Variants in HAUS8 observed in about 807,000 individuals in gnomAD.
HAUS8 encodes the protein HAUS augmin-like complex subunit 8.
In HAUS8, 38 loss-of-function variants were observed where a neutral mutation model predicts 42.9. That is an observed-to-expected ratio of 0.89 (90% CI 0.68 to 1.16). The LOEUF is 1.16. HAUS8 is among the 50% of genes most tolerant of loss of function. The pLI is 0.00. For synonymous variants in HAUS8, 199 were observed against 205.8 expected (o/e 0.97, Z 0.28); for missense variants, 494 against 511.6 (o/e 0.97, Z 0.33).
chr19:17,073,235 G>A (rs756660386), intron 2 of HAUS8, 39 bp downstream of exon 2: 1 of 1,572,954 alleles, frequency 6.4e-7, no homozygotes, highest in Non-Finnish European at 8.8e-7. Context: ...AATGAAAGAA[G>A]AAAACCATGT....
At chr19:17,063,850 C>A (rs1035418863) in intron 3 of HAUS8, among the ~76,000 whole-genome samples, 1 of 152,190 alleles carries the variant, frequency 6.6e-6, no homozygotes, top group African/African-American at 2.4e-5. Context: ...CTGGTCTCAG[C>A]CCTTCAGACT....
At chr19:17,065,164 C>CTT (rs2057380487) in intron 3 of HAUS8, among the ~76,000 whole-genome samples, 1 of 152,228 alleles carries the variant, frequency 6.6e-6, no homozygotes, top group Non-Finnish European at 1.5e-5. Flanking sequence ...ACCCACAAGA[C>CTT]TGGCTAGAAT....
rs556294396 is a variant in HAUS8 at position 17,059,538 on chromosome 19, T to C, written c.420+19A>G. 166 of 1,572,360 alleles carry C rather than the reference T, an allele frequency of 1.1e-4. No homozygotes were observed. In the South Asian group the frequency reaches 1.7e-3, roughly 16 times the overall value. ...CTATGCAACCCATCTGTGGCTGCCC[T>C]CTTCTTTCAGACACTTACCGGGCTC... On this transcript the variant is annotated intron_variant, in intron 6 of 10. Coordinates refer to ENST00000253669, the MANE Select transcript of HAUS8 (RefSeq NM_033417.2).
rs184400942 is a variant in HAUS8, at chr19:17,073,206, T to A, written c.91+68A>T. ...GGCCCCCTTCTCTGGCCTGTTTTTT[T>A]CTTCCTCCAAAAGCACGTAATGAAA... On this transcript the variant is annotated intron_variant, in intron 2 of 10. Coordinates refer to ENST00000253669, the MANE Select transcript of HAUS8 (RefSeq NM_033417.2). The A allele has an allele frequency of 3.0e-5, 43 of 1,418,954 alleles. No homozygotes were observed. The Admixed American group carries it at 6.9e-4, about 23-fold the overall frequency. The allele number at this position is 1,418,954 out of a possible 1,614,324, so 87.9% of individuals were successfully genotyped here. A position where few individuals can be genotyped will look rare whatever the true frequency, so the allele number is the denominator to read the frequency against.
At chr19:17,063,769 C>T (rs1358785376) in intron 3 of HAUS8, among the ~76,000 whole-genome samples, 1 of 152,160 alleles carries the variant, frequency 6.6e-6, no homozygotes, top group Non-Finnish European at 1.5e-5. Context: ...TCCTGCTTGC[C>T]TGGTTGAGCT....
intron 9 of HAUS8, among the ~76,000 whole-genome samples, chr19:17,054,762 T>C (rs1568634585): frequency 6.6e-6 from 1 of 151,462 alleles, no homozygotes; most frequent in East Asian, 2.0e-4. Context: ...GATTGCACCA[T>C]TGCACTCCAG....
Position 17,050,141 on chromosome 19 carries a change from G to A in HAUS8, c.965C>T (p.Ala322Val), listed in dbSNP as rs1459996771. ...FAQVLELSAEASKEAALANQE... is the reference protein window; with the variant it reads ...FAQVLELSAEVSKEAALANQE... ...GTTTGCCAAGGCTGCCTCTTTGCTT[G>A]CCTCTGCGGAGAGTTCCAGCACCTG... The change falls in exon 11 of 11, where the codon GCA becomes GTA. Residue 322 changes from alanine to valine, a missense_variant. By Grantham distance (64) the Ala-to-Val change is moderately conservative (BLOSUM62 0). Transcript: ENST00000253669. 6.5e-7 allele frequency: 1 copy of A among 1,548,164 alleles called. No individual in the cohort carries two copies. Among genetic ancestry groups the A allele is most frequent in the East Asian group, 2.3e-5 (1 of 42,730 alleles).
At chr19:17,055,581 T>C (rs1282558958) in intron 9 of HAUS8, among the ~76,000 whole-genome samples, 2 of 151,920 alleles carry the variant, frequency 1.3e-5, no homozygotes. Flanking sequence ...TACGGCATAT[T>C]TGTTGGGAGC....
intron 2 of HAUS8, among the ~76,000 whole-genome samples, chr19:17,070,323 G>A (rs1043932355): frequency 2.0e-5 from 3 of 151,942 alleles, no homozygotes; most frequent in South Asian, 2.1e-4. Flanking sequence ...ACCACTGCTC[G>A]TTCCCTGCTT....
chr19:17,066,390 C>T (rs934726768), intron 3 of HAUS8, among the ~76,000 whole-genome samples: 1 of 152,186 alleles, frequency 6.6e-6, no homozygotes, highest in African/African-American at 2.4e-5. Flanking sequence ...CACTTGGCTC[C>T]ATCTGTATCC....
intron 2 of HAUS8, among the ~76,000 whole-genome samples, chr19:17,071,588 T>C (rs1337749969): frequency 6.6e-6 from 1 of 152,154 alleles, no homozygotes; most frequent in African/African-American, 2.4e-5. Context: ...GTCTTTCTAG[T>C]AGCATCAGGA....
chr19:17,075,471 G>C, upstream of HAUS8: 1 of 1,608,564 alleles, frequency 6.2e-7, no homozygotes, highest in Non-Finnish European at 8.5e-7. Context: ...TTCAAAGCCG[G>C]ACCCGCCCCC....
At chr19:17,061,173 C>T (rs1296817920) in intron 4 of HAUS8, among the ~76,000 whole-genome samples, 4 of 151,344 alleles carry the variant, frequency 2.6e-5, no homozygotes, top group African/African-American at 9.7e-5. Flanking sequence ...CTCTGTCACC[C>T]AGGCTGGAGT....
chr19:17,059,067 AG>A (rs1245741323), intron 6 of HAUS8, among the ~76,000 whole-genome samples, 191 bp from the exon 7 acceptor site: 2 of 152,192 alleles, frequency 1.3e-5, no homozygotes, highest in African/African-American at 4.8e-5. Flanking sequence ...GAGATGAAAG[AG>A]GGAGGTCCAC....
chr19:17,070,723 C>T (rs575592740), intron 2 of HAUS8, among the ~76,000 whole-genome samples: 5 of 152,336 alleles, frequency 3.3e-5, no homozygotes, highest in South Asian at 2.1e-4. Flanking sequence ...CTCCTTCGCT[C>T]GCTGCTATGT....
chr19:17,064,815 A>G (rs923782342), intron 3 of HAUS8, among the ~76,000 whole-genome samples: 4 of 152,220 alleles, frequency 2.6e-5, no homozygotes, highest in Non-Finnish European at 5.9e-5. Flanking sequence ...CCTGGATAAG[A>G]CTCCAAAAGC....
At chr19:17,050,586 C>T (rs1459630519) in intron 10 of HAUS8, among the ~76,000 whole-genome samples, 1 of 152,076 alleles carries the variant, frequency 6.6e-6, no homozygotes, top group East Asian at 1.9e-4. Flanking sequence ...ATGGCAAAAC[C>T]ACGTCTATAC....
intron 2 of HAUS8, 23 bp from the exon 3 acceptor site, chr19:17,069,109 C>A: frequency 1.2e-6 from 2 of 1,606,902 alleles, no homozygotes; most frequent in Non-Finnish European, 1.7e-6. Context: ...ACTGTTGGTG[C>A]ACAACAAAAC....
At chr19:17,070,796 G>A (rs1253698942) in intron 2 of HAUS8, among the ~76,000 whole-genome samples, 3 of 152,248 alleles carry the variant, frequency 2.0e-5, no homozygotes, top group African/African-American at 7.2e-5. Context: ...TAGGCCAGGC[G>A]TAGTGGCTCA....
Sources: allele counts gnomAD v4.1 joint callset (sites outside exome capture counted in the v4.1 genomes callset), GRCh38; gene constraint gnomAD v4.1.1; transcripts MANE v1.5; gene names NCBI Gene and HGNC (gene_info 2026-07-23, HGNC 2026-07-21).